The following HS6ST3 variants were observed in gnomAD, a reference collection of about 807,000 sequenced individuals.
The protein encoded by HS6ST3 is heparan sulfate 6-O-sulfotransferase 3, also known as heparan-sulfate 6-O-sulfotransferase 3.
HS6ST3 carries 12 observed loss-of-function variants against 36.7 expected under a neutral mutation model. The ratio of observed to expected loss-of-function variants is 0.33; its 90% CI spans 0.21 to 0.53. The LOEUF (loss-of-function observed/expected upper bound fraction) is 0.53, where lower values mean the gene tolerates loss of function less well. HS6ST3 is among the 20% of genes least tolerant of loss of function. HS6ST3 has a pLI of 0.95. For missense variants in HS6ST3, 584 were observed against 640.9 expected (o/e 0.91, Z 0.96); for synonymous variants, 240 against 257.5 (o/e 0.93, Z 0.65).
At chr13:96,488,158 C>T (rs1344029175) in intron 1 of HS6ST3, among the ~76,000 whole-genome samples, 2 of 152,042 alleles carry the variant, frequency 1.3e-5, no homozygotes, top group African/African-American at 2.4e-5. Flanking sequence ...GTTTGGCTTC[C>T]TCTCTTTGGA....
intron 1 of HS6ST3, among the ~76,000 whole-genome samples, chr13:96,723,526 A>C (rs1024527337): frequency 2.0e-5 from 3 of 152,206 alleles, no homozygotes; most frequent in African/African-American, 7.2e-5. Context: ...CGGTGCCTAC[A>C]GCTGAACCTA....
chr13:96,257,804 A>G (rs1213078635), intron 1 of HS6ST3, among the ~76,000 whole-genome samples: 1 of 152,240 alleles, frequency 6.6e-6, no homozygotes, highest in Non-Finnish European at 1.5e-5. Context: ...TAGACAGCAC[A>G]GAGTATTAGA....
chr13:96,365,942 G>T (rs973861989), intron 1 of HS6ST3, among the ~76,000 whole-genome samples: 1 of 151,988 alleles, frequency 6.6e-6, no homozygotes, highest in Non-Finnish European at 1.5e-5. Context: ...TTAGTAAGAC[G>T]ACTCCATAAG....
In HS6ST3 at chr13:96,242,794, A is replaced by G. The variant is rs142793087; in HGVS notation, c.707+151225A>G. 1.5e-3 allele frequency among the ~76,000 whole-genome samples: 229 copies of G among 152,326 alleles called. 1 individual carries two copies. Among genetic ancestry groups the G allele is most frequent in the Admixed American group, 2.9e-3 (45 of 15,306 alleles). ...TCCTAAAAGATTTAGAAATAGAATT[A>G]CCATAGAATCCAACAGTCTCACCTC... On this transcript the variant is annotated intron_variant, in intron 1 of 1. Coordinates refer to ENST00000376705, the MANE Select transcript of HS6ST3 (RefSeq NM_153456.4).
At chr13:96,463,891 G>A (rs1223840305) in intron 1 of HS6ST3, among the ~76,000 whole-genome samples, 1 of 151,936 alleles carries the variant, frequency 6.6e-6, no homozygotes, top group Non-Finnish European at 1.5e-5. Context: ...ACCCAGTAAA[G>A]CTATCAAACT....
intron 1 of HS6ST3, among the ~76,000 whole-genome samples, chr13:96,639,692 C>G (rs1010448912): frequency 1.3e-5 from 2 of 151,920 alleles, no homozygotes; most frequent in Non-Finnish European, 1.5e-5. Context: ...TCAACCCTTC[C>G]TCCCCTTCTA....
intron 1 of HS6ST3, among the ~76,000 whole-genome samples, chr13:96,663,564 T>C (rs2056653798): frequency 6.6e-6 from 1 of 152,184 alleles, no homozygotes; most frequent in Non-Finnish European, 1.5e-5. Context: ...GAATATGCAA[T>C]GCTACATCTA....
At chr13:96,377,157 G>A (rs916979955) in intron 1 of HS6ST3, among the ~76,000 whole-genome samples, 1 of 150,968 alleles carries the variant, frequency 6.6e-6, no homozygotes, top group South Asian at 2.1e-4. Context: ...TTGAGCCCAG[G>A]AGTTCAAGAC....
intron 1 of HS6ST3, among the ~76,000 whole-genome samples, chr13:96,796,913 A>G (rs1240369364): frequency 1.3e-5 from 2 of 152,038 alleles, no homozygotes; most frequent in East Asian, 3.9e-4. Flanking sequence ...TCATCTGTGA[A>G]TCCTCTGCAT....
chr13:96,340,420 G>A (rs1288025503), intron 1 of HS6ST3, among the ~76,000 whole-genome samples: 1 of 152,214 alleles, frequency 6.6e-6, no homozygotes, highest in Non-Finnish European at 1.5e-5. Context: ...TATGAAGGAC[G>A]GATGATAATA....
chr13:96,416,827 A>G (rs1388560503), intron 1 of HS6ST3, among the ~76,000 whole-genome samples: 2 of 147,080 alleles, frequency 1.4e-5, no homozygotes, highest in Non-Finnish European at 3.0e-5. Flanking sequence ...ATCTCGGCTC[A>G]CTGCAAGCTC....
chr13:96,106,492 C>T (rs1050374463), intron 1 of HS6ST3, among the ~76,000 whole-genome samples: 2 of 152,154 alleles, frequency 1.3e-5, no homozygotes, highest in Middle Eastern at 3.2e-3. Flanking sequence ...ATCCTTCAGC[C>T]CCAGTCAGCT....
At chr13:96,558,830 CTTA>C (rs1185764932) in intron 1 of HS6ST3, among the ~76,000 whole-genome samples, 5 of 152,030 alleles carry the variant, frequency 3.3e-5, no homozygotes, top group African/African-American at 4.8e-5. Flanking sequence ...TTTTATTACT[CTTA>C]TTATTTATTT....
chr13:96,688,212 G>T (rs1874840927), intron 1 of HS6ST3, among the ~76,000 whole-genome samples: 1 of 18,628 alleles, frequency 5.4e-5, no homozygotes, highest in African/African-American at 1.5e-4. Context: ...AGAACTTAAA[G>T]TATAATAATA....
chr13:96,540,885 A>T (rs929400690), intron 1 of HS6ST3, among the ~76,000 whole-genome samples: 2 of 152,160 alleles, frequency 1.3e-5, no homozygotes, highest in Non-Finnish European at 2.9e-5. Flanking sequence ...GCACTCAAGG[A>T]GTGTAGAGTC....
At chr13:96,568,197 G>T (rs1489160760) in intron 1 of HS6ST3, among the ~76,000 whole-genome samples, 2 of 152,180 alleles carry the variant, frequency 1.3e-5, no homozygotes, top group Non-Finnish European at 2.9e-5. Flanking sequence ...AAGTATGAAA[G>T]ATAGTGACAT....
chr13:96,511,235 T>C (rs917847042), intron 1 of HS6ST3, among the ~76,000 whole-genome samples: 1 of 152,172 alleles, frequency 6.6e-6, no homozygotes, highest in Non-Finnish European at 1.5e-5. Flanking sequence ...TTTACATATA[T>C]GAAACTGAGT....
intron 1 of HS6ST3, among the ~76,000 whole-genome samples, chr13:96,339,593 A>G (rs12585563): frequency 0.36 from 54,915 of 152,034 alleles, 10,209 homozygotes; most frequent in African/African-American, 0.42. Context: ...AGCCCCCAGT[A>G]TCAAAGACTA....
intron 1 of HS6ST3, among the ~76,000 whole-genome samples, chr13:96,747,043 C>T (rs1277741238): frequency 6.6e-6 from 1 of 152,016 alleles, no homozygotes; most frequent in East Asian, 1.9e-4. Flanking sequence ...TTCCCAACCT[C>T]CCTACCATCT....
Sources: gnomAD v4.1 joint callset for allele counts (sites outside exome capture counted in the v4.1 genomes callset) on GRCh38, gnomAD v4.1.1 for gene constraint, MANE v1.5 for transcripts, NCBI Gene and HGNC (gene_info 2026-07-23, HGNC 2026-07-21) for gene names.